The following SKIC3 variants were observed in gnomAD, a reference collection of about 807,000 sequenced individuals.
The protein encoded by SKIC3 is SKI3 subunit of superkiller complex, also known as superkiller complex protein 3.
chr5:95,478,153 A>G, the SKIC3 span: 1 of 971,422 alleles, frequency 1.0e-6, no homozygotes, highest in Admixed American at 2.6e-5. Flanking sequence ...CCCAAAATAC[A>G]AAGTGTATCA....
chr5:95,542,411 C>T, the SKIC3 span, among the ~76,000 whole-genome samples: 1 of 152,000 alleles, frequency 6.6e-6, no homozygotes, highest in African/African-American at 2.4e-5. Context: ...TACGTAGTTA[C>T]CACTGGTGGC....
chr5:95,495,109 C>T, the SKIC3 span: 6 of 1,235,064 alleles, frequency 4.9e-6, no homozygotes, highest in African/African-American at 7.5e-5. Flanking sequence ...CACTAAATCA[C>T]TGGAAAGGTT....
the SKIC3 span, chr5:95,528,873 T>G: frequency 3.9e-6 from 3 of 776,480 alleles, no homozygotes; most frequent in Admixed American, 2.4e-5. Context: ...TTATTGAAAT[T>G]AAAATTAGCA....
chr5:95,485,775 C>T, the SKIC3 span, among the ~76,000 whole-genome samples: 23,792 of 152,008 alleles, frequency 0.16, 2,602 homozygotes, highest in African/African-American at 0.31. Flanking sequence ...ATTCGGTGCT[C>T]GCCTCGTCCA....
At chr5:95,498,953 T>C in the SKIC3 span, among the ~76,000 whole-genome samples, 2 of 152,134 alleles carry the variant, frequency 1.3e-5, no homozygotes, top group Non-Finnish European at 2.9e-5. Flanking sequence ...TATCTGTAAC[T>C]ATCAAAACAT....
chr5:95,490,157 CA>C, the SKIC3 span, among the ~76,000 whole-genome samples: 1 of 151,976 alleles, frequency 6.6e-6, no homozygotes, highest in African/African-American at 2.4e-5. Flanking sequence ...ATTAGATTAA[CA>C]GCTTATTCTG....
the SKIC3 span, chr5:95,550,648 C>T: frequency 1.3e-5 from 2 of 152,226 alleles, no homozygotes; most frequent in Non-Finnish European, 2.9e-5. Context: ...ACCCATTTTC[C>T]ATCTAAATTA....
chr5:95,543,419 T>C, the SKIC3 span: 39 of 1,404,696 alleles, frequency 2.8e-5, no homozygotes, highest in Admixed American at 1.9e-4. Context: ...TCAGGAAATC[T>C]ATATCTACCA....
chr5:95,523,075 A>G, the SKIC3 span: 1 of 1,294,392 alleles, frequency 7.7e-7, no homozygotes, highest in South Asian at 1.3e-5. Context: ...ATAAACACCA[A>G]TCAATCATAA....
At chr5:95,496,190 G>C in the SKIC3 span, among the ~76,000 whole-genome samples, 1 of 152,010 alleles carries the variant, frequency 6.6e-6, no homozygotes, top group Non-Finnish European at 1.5e-5. Context: ...GCTAATTTTT[G>C]TATTTTTAGT....
the SKIC3 span, among the ~76,000 whole-genome samples, chr5:95,552,762 C>A: frequency 6.6e-6 from 1 of 151,746 alleles, no homozygotes; most frequent in Non-Finnish European, 1.5e-5. Flanking sequence ...CATAGAATTA[C>A]TGATTAGCAA....
At chr5:95,547,029 C>T in the SKIC3 span, 2 of 1,586,146 alleles carry the variant, frequency 1.3e-6, no homozygotes, top group Non-Finnish European at 1.7e-6. Flanking sequence ...GGGTAACATA[C>T]TTTCATTGTG....
the SKIC3 span, among the ~76,000 whole-genome samples, chr5:95,554,634 A>G: frequency 1.3e-5 from 2 of 152,160 alleles, no homozygotes; most frequent in Non-Finnish European, 2.9e-5. Context: ...GCACGGGGTA[A>G]GAGAAGCAAT....
chr5:95,522,333 A>C, the SKIC3 span: 1 of 1,611,114 alleles, frequency 6.2e-7, no homozygotes, highest in Non-Finnish European at 8.5e-7. Flanking sequence ...CCGTAAGAGA[A>C]CTAAAAGTAT....
chr5:95,477,894 G>A, the SKIC3 span, among the ~76,000 whole-genome samples: 1 of 152,084 alleles, frequency 6.6e-6, no homozygotes, highest in Non-Finnish European at 1.5e-5. Flanking sequence ...TAGCTTGTTA[G>A]GTCATAAGTT....
At chr5:95,485,932 T>G in the SKIC3 span, among the ~76,000 whole-genome samples, 8 of 152,138 alleles carry the variant, frequency 5.3e-5, no homozygotes, top group Admixed American at 5.2e-4. Flanking sequence ...TGGGATCAGC[T>G]GGGAGCCTAG....
At chr5:95,464,923 G>GTTTTTT in the SKIC3 span, among the ~76,000 whole-genome samples, 1 of 103,046 alleles carries the variant, frequency 9.7e-6, no homozygotes, top group African/African-American at 5.0e-5. Context: ...CATTCTGATT[G>GTTTTTT]CTTTTTTTTT....
the SKIC3 span, chr5:95,498,282 C>A: frequency 7.3e-7 from 1 of 1,376,736 alleles, no homozygotes. Flanking sequence ...ATATTCTTAC[C>A]TTATTTTATA....
chr5:95,497,512 C>T, the SKIC3 span: 9 of 1,599,800 alleles, frequency 5.6e-6, no homozygotes, highest in Non-Finnish European at 7.7e-6. Flanking sequence ...AAGTAGCAGG[C>T]TTAGGGACAA....
Sources: gnomAD v4.1 joint callset for allele counts (sites outside exome capture counted in the v4.1 genomes callset) on GRCh38, gnomAD v4.1.1 for gene constraint, MANE v1.5 for transcripts, NCBI Gene and HGNC (gene_info 2026-07-23, HGNC 2026-07-21) for gene names.